The following DCAF8L2 variants were observed in gnomAD, a reference collection of about 807,000 sequenced individuals.
The protein encoded by DCAF8L2 is DDB1- and CUL4-associated factor 8-like protein 2.
For missense variants in DCAF8L2, 430 were observed against 490.7 expected, an observed-to-expected ratio of 0.88 and a Z score of 1.17; for synonymous variants, 200 against 190.9, an observed-to-expected ratio of 1.05 and a Z score of -0.39.
At chrX:27,580,992 T>A in the DCAF8L2 span, among the ~76,000 whole-genome samples, 1 of 112,182 alleles carries the variant, frequency 8.9e-6, no homozygotes, top group African/African-American at 3.2e-5. Flanking sequence ...CAGAATATTA[T>A]GGTTCCAATG....
At chrX:27,600,076 T>C (rs1368925189) in intron 1 of DCAF8L2, among the ~76,000 whole-genome samples, 2 of 112,137 alleles carry the variant, frequency 1.8e-5, no homozygotes, top group Admixed American at 1.9e-4. Flanking sequence ...AGGATGGTTG[T>C]AACCAGAAGG....
At chrX:27,564,844 T>G in the DCAF8L2 span, among the ~76,000 whole-genome samples, 1 of 109,499 alleles carries the variant, frequency 9.1e-6, no homozygotes, top group Middle Eastern at 4.8e-3. Context: ...TGCAGAAAGG[T>G]GATTTTAAAA....
At chrX:27,731,764 A>G (rs1262615971) in intron 4 of DCAF8L2, among the ~76,000 whole-genome samples, 2 of 111,695 alleles carry the variant, frequency 1.8e-5, no homozygotes, top group Admixed American at 9.5e-5. Flanking sequence ...AGTGCTCACT[A>G]TGTACCATGA....
intron 1 of DCAF8L2, among the ~76,000 whole-genome samples, chrX:27,611,588 C>T (rs74541544): frequency 2.7e-5 from 3 of 109,324 alleles, no homozygotes; most frequent in Non-Finnish European, 5.7e-5. Context: ...TGCTATCCTT[C>T]CCCCGTCCCC....
At chrX:27,627,755 G>A (rs994945146) in intron 1 of DCAF8L2, among the ~76,000 whole-genome samples, 27 of 108,718 alleles carry the variant, frequency 2.5e-4, no homozygotes, top group Non-Finnish European at 4.9e-4. Flanking sequence ...TTAGCTGGGC[G>A]TGGTGGTGCG....
At chrX:27,542,159 T>A in the DCAF8L2 span, among the ~76,000 whole-genome samples, 1 of 111,734 alleles carries the variant, frequency 8.9e-6, no homozygotes, top group Non-Finnish European at 1.9e-5. Context: ...ATGCAATGAA[T>A]GAATGAGTGC....
At chrX:27,720,913 C>T (rs1931881541) in intron 4 of DCAF8L2, among the ~76,000 whole-genome samples, 1 of 111,057 alleles carries the variant, frequency 9.0e-6, no homozygotes, top group Admixed American at 9.6e-5. Flanking sequence ...TTATTTTTTA[C>T]TTTATTAAAA....
chrX:27,727,360 T>C (rs774762575), intron 4 of DCAF8L2, among the ~76,000 whole-genome samples: 232 of 111,353 alleles, frequency 2.1e-3, no homozygotes, highest in African/African-American at 6.8e-3. Context: ...TAATCCGATA[T>C]GTCAATCTTT....
the DCAF8L2 span, among the ~76,000 whole-genome samples, chrX:27,501,884 T>G: frequency 9.0e-6 from 1 of 110,784 alleles, no homozygotes; most frequent in Non-Finnish European, 1.9e-5. Context: ...TAAGGAGGCC[T>G]TGGCAGAGCT....
intron 2 of DCAF8L2, among the ~76,000 whole-genome samples, chrX:27,635,556 C>A (rs1928464706): frequency 9.0e-6 from 1 of 111,264 alleles, no homozygotes; most frequent in Admixed American, 9.6e-5. Context: ...TCAAGTAATT[C>A]TTTTCATTGC....
chrX:27,529,580 G>T, the DCAF8L2 span, among the ~76,000 whole-genome samples: 4 of 111,527 alleles, frequency 3.6e-5, no homozygotes, highest in African/African-American at 1.3e-4. Context: ...AAAAAGTATA[G>T]AAAATCCTTA....
At chrX:27,603,099 T>C (rs1926724525) in intron 1 of DCAF8L2, among the ~76,000 whole-genome samples, 1 of 112,159 alleles carries the variant, frequency 8.9e-6, no homozygotes, top group African/African-American at 3.2e-5. Context: ...CTTTGTGATA[T>C]TTGGAACTCT....
chrX:27,584,116 A>AT, the DCAF8L2 span, among the ~76,000 whole-genome samples: 5 of 111,396 alleles, frequency 4.5e-5, no homozygotes, highest in African/African-American at 1.3e-4. Context: ...ATCTTACTAC[A>AT]TTTTTTCTGA....
chrX:27,727,890 T>C (rs1323436003), intron 4 of DCAF8L2, among the ~76,000 whole-genome samples: 1 of 111,798 alleles, frequency 8.9e-6, no homozygotes, highest in African/African-American at 3.3e-5. Flanking sequence ...ATTATATTTA[T>C]TTCTAGGCAT....
chrX:27,660,738 C>A (rs971341207), intron 2 of DCAF8L2, among the ~76,000 whole-genome samples: 3 of 111,764 alleles, frequency 2.7e-5, no homozygotes, highest in African/African-American at 9.8e-5. Flanking sequence ...TGGACTGGGC[C>A]GGGTCAATGT....
rs1477461500 is a variant in DCAF8L2, at chrX:27,592,416, TG to T, written c.-342+1977del. Among the ~76,000 whole-genome samples, 450 of 50,205 alleles carry T rather than the reference TG, an allele frequency of 9.0e-3. 2 individuals carry two copies. The highest frequency in any genetic ancestry group is 0.01 in the Non-Finnish European group (285 of 27,483). The allele number at this position is 50,205 out of a possible 115,157, so 43.6% of individuals were successfully genotyped here. On this transcript the variant is annotated intron_variant, in intron 1 of 4. Transcript: ENST00000451261. ...AGCATTGTTTTTTTTTGTTTGTTTT[TG>T]TTTTTTTTTTTTTTGGTTTATTTAT...
At chrX:27,539,702 G>A in the DCAF8L2 span, among the ~76,000 whole-genome samples, 1 of 104,893 alleles carries the variant, frequency 9.5e-6, no homozygotes, top group African/African-American at 3.3e-5. Context: ...GTTAATCTTA[G>A]TTAAGTGCAG....
At chrX:27,497,448 CTCCCCATT>C in the DCAF8L2 span, among the ~76,000 whole-genome samples, 2 of 110,916 alleles carry the variant, frequency 1.8e-5, no homozygotes, top group African/African-American at 6.6e-5. Context: ...CATTAGAAAA[CTCCCCATT>C]TCCCCATTTC....
the DCAF8L2 span, chrX:27,518,920 G>A: frequency 5.3e-6 from 3 of 565,847 alleles, no homozygotes; most frequent in Non-Finnish European, 3.2e-6. Context: ...CAAAAAAATT[G>A]CTATAAAGCC....
Sources: allele counts gnomAD v4.1 joint callset (sites outside exome capture counted in the v4.1 genomes callset), GRCh38; gene constraint gnomAD v4.1.1; transcripts MANE v1.5; gene names NCBI Gene and HGNC (gene_info 2026-07-23, HGNC 2026-07-21).